Variants in MLLT3 observed in about 807,000 individuals in gnomAD.
MLLT3 encodes the protein MLLT3 super elongation complex subunit.
Under a neutral mutation model 53.2 loss-of-function variants are expected in MLLT3, and 4 were observed. The ratio of observed to expected loss-of-function variants is 0.08; its 90% CI spans 0.04 to 0.17. The LOEUF (loss-of-function observed/expected upper bound fraction) is 0.17. Among genes scored for constraint, MLLT3 ranks in the 10% least tolerant of loss-of-function variants. The pLI, the probability that MLLT3 is intolerant of heterozygous loss-of-function variation, is 1.00. For synonymous variants in MLLT3, 283 were observed against 230.6 expected, an observed-to-expected ratio of 1.23 and a Z score of -2.06; for missense variants, 569 against 684.0, an observed-to-expected ratio of 0.83 and a Z score of 1.87.
chr9:20,598,132 T>C (rs1820324152), intron 2 of MLLT3, among the ~76,000 whole-genome samples: 1 of 152,180 alleles, frequency 6.6e-6, no homozygotes, highest in Non-Finnish European at 1.5e-5. Flanking sequence ...ATTGTTCAAG[T>C]TGGGTCATAA....
chr9:20,388,466 T>C (rs1388519605), intron 5 of MLLT3, among the ~76,000 whole-genome samples: 2 of 151,962 alleles, frequency 1.3e-5, no homozygotes, highest in African/African-American at 2.4e-5. Context: ...TGGGCGCCTA[T>C]AGTCCCAGCT....
chr9:20,530,837 G>T (rs1405839923), intron 2 of MLLT3, among the ~76,000 whole-genome samples: 1 of 152,068 alleles, frequency 6.6e-6, no homozygotes, highest in Non-Finnish European at 1.5e-5. Context: ...CACTATGTTG[G>T]CCAGCTTGGT....
At chr9:20,394,074 A>G (rs1192411735) in intron 5 of MLLT3, among the ~76,000 whole-genome samples, 1 of 152,142 alleles carries the variant, frequency 6.6e-6, no homozygotes, top group Non-Finnish European at 1.5e-5. Context: ...TTCTTTCCAT[A>G]TGAGGAAAAT....
intron 4 of MLLT3, among the ~76,000 whole-genome samples, chr9:20,420,128 G>A (rs1476138122): frequency 6.6e-6 from 1 of 152,080 alleles, no homozygotes. Context: ...ATGGAAAAGT[G>A]CAGAACTGTC....
At chr9:20,518,297 G>C (rs1477724647) in intron 2 of MLLT3, among the ~76,000 whole-genome samples, 1 of 152,172 alleles carries the variant, frequency 6.6e-6, no homozygotes, top group Admixed American at 6.5e-5. Context: ...AGTGAGCCAA[G>C]ATCGCGCCAT....
intron 4 of MLLT3, among the ~76,000 whole-genome samples, chr9:20,419,927 T>C (rs926652963): frequency 4.6e-5 from 7 of 152,262 alleles, no homozygotes; most frequent in Non-Finnish European, 8.8e-5. Context: ...ATATAAGTCC[T>C]CAACATGAAT....
At position 20,621,993 on chromosome 9, in the gene MLLT3, G is replaced by T; in HGVS notation, c.12+252C>A. 7.2e-7 allele frequency: 1 copy of T among 1,398,486 alleles called. No homozygotes were observed. Among genetic ancestry groups the T allele is most frequent in the Non-Finnish European group, 9.2e-7 (1 of 1,083,080 alleles). The allele number at this position is 1,398,486 out of a possible 1,614,324, so 86.6% of individuals were successfully genotyped here. A position where few individuals can be genotyped will look rare whatever the true frequency, so the allele number is the denominator to read the frequency against. Reference sequence around the variant, plus strand: ...GACTGCAAAGAGGCGAGGAGGGAGGGAGGCGCGGGGGGTGGAGGGGCGAGT... The same window carrying T: ...GACTGCAAAGAGGCGAGGAGGGAGGTAGGCGCGGGGGGTGGAGGGGCGAGT... On this transcript the variant is annotated intron_variant, in intron 1 of 10. Transcript: ENST00000380338. The surrounding 1 kb of genome is among the most constrained non-coding windows in gnomAD (Gnocchi z 7.0).
At chr9:20,605,364 G>C (rs1326920211) in intron 2 of MLLT3, among the ~76,000 whole-genome samples, 1 of 151,864 alleles carries the variant, frequency 6.6e-6, no homozygotes, top group African/African-American at 2.4e-5. Flanking sequence ...CAGACATCTA[G>C]CTAATTGGGA....
chr9:20,365,319 A>C (rs1039653664), intron 6 of MLLT3, among the ~76,000 whole-genome samples: 2 of 151,804 alleles, frequency 1.3e-5, no homozygotes, highest in African/African-American at 4.9e-5. Flanking sequence ...CAAGACATTA[A>C]GATGGTTTTT....
chr9:20,351,291 A>T (rs888368082), intron 10 of MLLT3, among the ~76,000 whole-genome samples: 5 of 152,220 alleles, frequency 3.3e-5, no homozygotes, highest in African/African-American at 1.2e-4. Flanking sequence ...CTCTTAGGAA[A>T]CCTGGTTTCC....
intron 7 of MLLT3, among the ~76,000 whole-genome samples, chr9:20,362,259 A>G (rs1821342558): frequency 6.6e-6 from 1 of 152,204 alleles, no homozygotes; most frequent in African/African-American, 2.4e-5. Context: ...AGTTGCAGCA[A>G]TAAGTAGGTG....
intron 4 of MLLT3, among the ~76,000 whole-genome samples, chr9:20,435,130 T>G (rs988185579): frequency 6.6e-6 from 1 of 152,176 alleles, no homozygotes; most frequent in Non-Finnish European, 1.5e-5. Context: ...AAGAAGCAGA[T>G]GTCTGAGTAC....
At chr9:20,465,478 TAC>T (rs1824213922) in intron 2 of MLLT3, among the ~76,000 whole-genome samples, 1 of 131,078 alleles carries the variant, frequency 7.6e-6, no homozygotes, top group African/African-American at 3.0e-5. Flanking sequence ...AAAATTGTGT[TAC>T]ACACAACAGT....
At chr9:20,363,189 T>C (rs1821367916) in intron 7 of MLLT3, 2 of 292,454 alleles carry the variant, frequency 6.8e-6, no homozygotes, top group Non-Finnish European at 1.3e-5. Context: ...AAACAGACTT[T>C]AGTTCAACAG....
intron 1 of MLLT3, 95 bp downstream of exon 1, chr9:20,622,150 A>T: frequency 7.3e-7 from 1 of 1,376,712 alleles, no homozygotes; most frequent in Non-Finnish European, 1.0e-6. Flanking sequence ...CTCTAATTGG[A>T]ACCGCGGAGC....
intron 2 of MLLT3, among the ~76,000 whole-genome samples, chr9:20,537,507 A>C (rs1202797605): frequency 2.0e-5 from 3 of 152,204 alleles, no homozygotes; most frequent in African/African-American, 7.2e-5. Flanking sequence ...TTTCCTAATA[A>C]AAGAACACTT....
chr9:20,619,604 G>A (rs544029401), intron 2 of MLLT3, among the ~76,000 whole-genome samples: 1 of 152,230 alleles, frequency 6.6e-6, no homozygotes, highest in Non-Finnish European at 1.5e-5. Context: ...TGTCGACTTA[G>A]ATAAATAAAC....
At chr9:20,567,509 TA>T (rs1420595214) in intron 2 of MLLT3, among the ~76,000 whole-genome samples, 1 of 152,156 alleles carries the variant, frequency 6.6e-6, no homozygotes, top group Non-Finnish European at 1.5e-5. Flanking sequence ...TCTGTTTTAG[TA>T]AATCTTCAGA....
intron 6 of MLLT3, among the ~76,000 whole-genome samples, chr9:20,364,951 T>G (rs902180486): frequency 2.0e-5 from 3 of 152,218 alleles, no homozygotes; most frequent in African/African-American, 7.2e-5. Context: ...AGTTAACACT[T>G]GATCATGAGT....
Sources: gnomAD v4.1 joint callset for allele counts (sites outside exome capture counted in the v4.1 genomes callset) on GRCh38, gnomAD v4.1.1 for gene constraint, Gnocchi (gnomAD v3.1) non-coding constraint, MANE v1.5 for transcripts, NCBI Gene and HGNC (gene_info 2026-07-23, HGNC 2026-07-21) for gene names.